Variants in DNAH6 observed in about 807,000 individuals in gnomAD.
DNAH6 encodes the protein axonemal beta dynein heavy chain 6.
A neutral mutation model predicts 491.4 loss-of-function variants in DNAH6; 340 were observed. The ratio of observed to expected loss-of-function variants is 0.69; its 90% CI spans 0.63 to 0.76. DNAH6 has a LOEUF of 0.76. DNAH6 is among the 30% of genes least tolerant of loss of function. DNAH6 has a pLI of 0.00. For missense variants in DNAH6, 4,443 were observed against 4,972.2 expected, an observed-to-expected ratio of 0.89 and a Z score of 3.20; for synonymous variants, 1,603 against 1,686.1, an observed-to-expected ratio of 0.95 and a Z score of 1.21.
At chr2:84,609,506 A>C (rs2104323975) in intron 21 of DNAH6, among the ~76,000 whole-genome samples, 1 of 152,160 alleles carries the variant, frequency 6.6e-6, no homozygotes, top group South Asian at 2.1e-4. Context: ...AGGAGAAGAA[A>C]TGAGATGGGG....
intron 67 of DNAH6, among the ~76,000 whole-genome samples, chr2:84,786,394 T>G (rs1260042422): frequency 7.1e-6 from 1 of 140,914 alleles, no homozygotes; most frequent in Non-Finnish European, 1.5e-5. Flanking sequence ...CACTGCACTC[T>G]AGCCTGGGTG....
intron 64 of DNAH6, among the ~76,000 whole-genome samples, chr2:84,763,803 C>G (rs1674820860): frequency 7.0e-6 from 1 of 143,822 alleles, no homozygotes; most frequent in Admixed American, 6.8e-5. Flanking sequence ...CAACTGGAAA[C>G]TCAGCACAGC....
In DNAH6 at chr2:84,625,038, A is replaced by G. The variant is rs1687730034; in HGVS notation, c.4490A>G (p.Asn1497Ser). Residue 1497 changes from asparagine (N) to serine (S), a missense_variant, in exon 29 of 77, where the codon AAC becomes AGC. Asn to Ser is a conservative substitution (Grantham distance 46). This residue lies in a region of DNAH6 where 2,977 missense variants were observed against 3,296.6 expected (regional missense o/e 0.90). Coordinates refer to ENST00000389394, the MANE Select transcript of DNAH6 (RefSeq NM_001370.2). ...CTTGCCATCCAGTGTGTGGTCTTTA[A>G]CTGTTCAGATGGTTTGGACTACAAG... Reference protein sequence around the residue: ...KALAIQCVVFNCSDGLDYKMM... With the variant: ...KALAIQCVVFSCSDGLDYKMM... 6.5e-7 allele frequency: 1 copy of G among 1,549,676 alleles called. No individual in the cohort carries two copies. The highest frequency in any genetic ancestry group is 1.4e-5 in the African/African-American group (1 of 72,936).
In DNAH6 at chr2:84,658,375, C is replaced by T. The variant is rs1477228720; in HGVS notation, c.5841C>T (p.Cys1947=). 2.6e-6 allele frequency: 4 copies of T among 1,548,556 alleles called. No individual in the cohort carries two copies. The highest frequency in any genetic ancestry group is 1.4e-5 in the African/African-American group (1 of 72,886). Residue 1947 remains cysteine, a synonymous_variant, in exon 36 of 77, where the codon TGC becomes TGT. Transcript: ENST00000389394. ...GTTTACATTTTATCAATAAAAAGTGCAGCCAAGCAATTCCACAAGTGGACA... is the reference window on the plus strand; with the variant it reads ...GTTTACATTTTATCAATAAAAAGTGTAGCCAAGCAATTCCACAAGTGGACA... ...DEGLHFINKK[C]SQAIPQVDIS... is the part of the protein sequence containing the mutation.
the DNAH6 span, among the ~76,000 whole-genome samples, chr2:84,488,265 T>C: frequency 6.6e-6 from 1 of 152,132 alleles, no homozygotes; most frequent in Admixed American, 6.6e-5. Flanking sequence ...CTTACTGTTC[T>C]GGAGGTCAGA....
In DNAH6 at chr2:84,621,551, G is replaced by A. The variant is rs1471892326; in HGVS notation, c.4071G>A (p.Glu1357=). The A allele has an allele frequency of 2.0e-6, 3 of 1,505,540 alleles. 1 individual carries two copies. In the South Asian group the frequency reaches 3.7e-5, roughly 19 times the overall value. The allele number at this position is 1,505,540 out of a possible 1,614,324, so 93.3% of individuals were successfully genotyped here. A position where few individuals can be genotyped will look rare whatever the true frequency, so the allele number is the denominator to read the frequency against. ...ALKNFEKVNF[E]RLNALAAIVQ... ...AGAATTTTGAAAAAGTAAATTTTGA[G>A]GTGAGATCTGTAACAAAGTGACATT... The change falls in exon 26 of 77, where the codon GAG becomes GAA. Residue 1357 remains glutamate, a splice_region_variant and synonymous_variant. Coordinates refer to ENST00000389394, the MANE Select transcript of DNAH6 (RefSeq NM_001370.2).
intron 71 of DNAH6, among the ~76,000 whole-genome samples, chr2:84,806,706 G>A (rs1322426520): frequency 6.7e-6 from 1 of 150,180 alleles, no homozygotes; most frequent in African/African-American, 2.4e-5. Context: ...AGGAGATTTA[G>A]ATGTCTTCAT....
chr2:84,580,558 G>T (rs1371602561), intron 14 of DNAH6, among the ~76,000 whole-genome samples: 1 of 152,034 alleles, frequency 6.6e-6, no homozygotes, highest in South Asian at 2.1e-4. Context: ...TAAACTGAAT[G>T]TTATATATTA....
At chr2:84,596,055 G>GT (rs1322675902) in intron 18 of DNAH6, among the ~76,000 whole-genome samples, 6 of 152,288 alleles carry the variant, frequency 3.9e-5, no homozygotes, top group Middle Eastern at 6.8e-3. Context: ...ATAGGTTGTA[G>GT]TTATGCTAAG....
chr2:84,725,881 G>A (rs1166738243), intron 60 of DNAH6, among the ~76,000 whole-genome samples: 1 of 152,134 alleles, frequency 6.6e-6, no homozygotes, highest in Non-Finnish European at 1.5e-5. Flanking sequence ...TTCTTGTCAG[G>A]TTGTTAAAGA....
intron 62 of DNAH6, among the ~76,000 whole-genome samples, chr2:84,738,938 A>G (rs945412649): frequency 6.6e-6 from 1 of 152,090 alleles, no homozygotes; most frequent in Non-Finnish European, 1.5e-5. Flanking sequence ...ACTGTGGGCT[A>G]TGTGCTTTCA....
intron 21 of DNAH6, among the ~76,000 whole-genome samples, chr2:84,609,670 T>TATAATAATAATA (rs35531519): frequency 1.3e-5 from 2 of 150,572 alleles, no homozygotes; most frequent in Non-Finnish European, 1.5e-5. Flanking sequence ...CCATAACAGA[T>TATAATAATAATA]ATAATAATAA....
At chr2:84,463,944 A>T in the DNAH6 span, among the ~76,000 whole-genome samples, 1 of 152,194 alleles carries the variant, frequency 6.6e-6, no homozygotes, top group African/African-American at 2.4e-5. Context: ...CCTTATGTTG[A>T]AAAGCAATTA....
In DNAH6 at chr2:84,762,781, G is replaced by A; in HGVS notation, c.10539G>A (p.Val3513=). The A allele has an allele frequency of 6.5e-7, 1 of 1,550,264 alleles. No individual in the cohort carries two copies. The highest frequency in any genetic ancestry group is 8.7e-7 in the Non-Finnish European group (1 of 1,146,372). Residue 3513 remains valine, a synonymous_variant, in exon 64 of 77, where the codon GTG becomes GTA. Transcript: ENST00000389394. ...TGGTTTTTGCTCTTACAGACTTTGTGATAGAAAATCTTGGAAAACAGTTTA... is the reference window on the plus strand; with the variant it reads ...TGGTTTTTGCTCTTACAGACTTTGTAATAGAAAATCTTGGAAAACAGTTTA... ...EKVVFALTDF[V]IENLGKQFIE... is the part of the protein sequence containing the mutation.
chr2:84,557,813 G>A lies in DNAH6; in HGVS notation c.1681G>A (p.Asp561Asn), dbSNP rs771759005. Reference sequence around the variant, plus strand: ...TAATCTCGTGCCTGATTCGTATTTTGATGCTTTCACCAGCCCTTATATTAA... The same window carrying A: ...TAATCTCGTGCCTGATTCGTATTTTAATGCTTTCACCAGCCCTTATATTAA... ...VPNLVPDSYFDAFTSPYINNK... is the reference protein window; with the variant it reads ...VPNLVPDSYFNAFTSPYINNK... Residue 561 changes from aspartate to asparagine, a missense_variant, in exon 11 of 77, where the codon GAT becomes AAT. By Grantham distance (23) the Asp-to-Asn change is conservative (BLOSUM62 1). Around this residue, in one of 3 missense-constraint regions of DNAH6, gnomAD observed 2,977 missense variants for 3,296.6 expected, o/e 0.90. Coordinates refer to ENST00000389394, the MANE Select transcript of DNAH6 (RefSeq NM_001370.2). 1 of 1,612,954 alleles carries A rather than the reference G, an allele frequency of 6.2e-7. No individual in the cohort carries two copies. Among genetic ancestry groups the A allele is most frequent in the Non-Finnish European group, 8.5e-7 (1 of 1,179,430 alleles).
At chr2:84,673,548 C>T (rs1692945374) in intron 40 of DNAH6, among the ~76,000 whole-genome samples, 1 of 152,160 alleles carries the variant, frequency 6.6e-6, no homozygotes, top group Non-Finnish European at 1.5e-5. Context: ...GACATATATA[C>T]ATAAAAGGGA....
intron 44 of DNAH6, 77 bp from the exon 45 acceptor site, chr2:84,688,362 A>C (rs1694495873): frequency 1.6e-6 from 2 of 1,229,706 alleles, no homozygotes; most frequent in Non-Finnish European, 2.1e-6. Context: ...CTCTTGAAGA[A>C]GTTAAATGAA....
intron 20 of DNAH6, 103 bp from the exon 21 acceptor site, chr2:84,606,873 A>C: frequency 8.1e-7 from 1 of 1,228,388 alleles, no homozygotes; most frequent in Middle Eastern, 1.9e-4. Context: ...CTATTAATTC[A>C]AAGAGTTGAC....
chr2:84,812,851 C>A (rs1007630525), intron 73 of DNAH6, among the ~76,000 whole-genome samples: 1 of 152,086 alleles, frequency 6.6e-6, no homozygotes, highest in Non-Finnish European at 1.5e-5. Flanking sequence ...CTCTCACATA[C>A]CCCACAATAA....
Sources: allele counts gnomAD v4.1 joint callset (sites outside exome capture counted in the v4.1 genomes callset), GRCh38; gene constraint gnomAD v4.1.1; regional missense constraint gnomAD v4.1.1; transcripts MANE v1.5; gene names NCBI Gene and HGNC (gene_info 2026-07-23, HGNC 2026-07-21).